The following MDGA2 variants were observed in gnomAD, a reference collection of about 807,000 sequenced individuals.
MDGA2 encodes MAM domain-containing glycosylphosphatidylinositol anchor protein 2.
A neutral mutation model predicts 117.8 loss-of-function variants in MDGA2; 40 were observed. That is an observed-to-expected ratio of 0.34 (90% CI 0.26 to 0.44). MDGA2 has a LOEUF of 0.44. Among genes scored for constraint, MDGA2 ranks in the 20% least tolerant of loss-of-function variants. The probability of loss-of-function intolerance (pLI) is 1.00; values close to 1 mark genes in which losing one functional copy is unlikely to be tolerated. For missense variants in MDGA2, 1,123 were observed against 1,250.6 expected (o/e 0.90, Z 1.54); for synonymous variants, 452 against 439.0 (o/e 1.03, Z -0.37).
chr14:47,043,554 A>T (rs1207416501), intron 7 of MDGA2, among the ~76,000 whole-genome samples: 2 of 152,054 alleles, frequency 1.3e-5, no homozygotes, highest in African/African-American at 4.8e-5. Flanking sequence ...TCTCTTCTTC[A>T]TCTAAAAAAT....
intron 1 of MDGA2, among the ~76,000 whole-genome samples, chr14:47,555,637 T>A (rs1895668498): frequency 6.6e-6 from 1 of 152,006 alleles, no homozygotes; most frequent in African/African-American, 2.4e-5. Flanking sequence ...AGAGACATTT[T>A]CCCAGAAAAA....
chr14:47,496,031 G>A (rs1283390178), intron 1 of MDGA2, among the ~76,000 whole-genome samples: 2 of 151,636 alleles, frequency 1.3e-5, no homozygotes, highest in Admixed American at 1.3e-4. Context: ...TGGGTAAATT[G>A]CCTCTTCACA....
chr14:47,372,483 C>T (rs2138395544), intron 1 of MDGA2, among the ~76,000 whole-genome samples: 1 of 151,884 alleles, frequency 6.6e-6, no homozygotes, highest in Middle Eastern at 3.4e-3. Flanking sequence ...GATATTCCCT[C>T]TCATTTGTAG....
chr14:47,287,717 A>G (rs550740770), intron 2 of MDGA2, among the ~76,000 whole-genome samples: 2 of 152,316 alleles, frequency 1.3e-5, no homozygotes, highest in African/African-American at 4.8e-5. Flanking sequence ...GTGCCCCTAA[A>G]GCATACACTG....
In MDGA2 at chr14:46,855,109, T is replaced by G. The variant is rs1268452069; in HGVS notation, c.2798A>C (p.Glu933Ala). Residue 933 changes from glutamate to alanine, a missense_variant, in exon 15 of 17, where the codon GAG becomes GCG. By Grantham distance (107) the Glu-to-Ala change is moderately radical. Coordinates refer to ENST00000399232, the MANE Select transcript of MDGA2 (RefSeq NM_001113498.3). This position sits in a 1 kb window ranked among gnomAD's most constrained non-coding sequence, Gnocchi z 4.1. ...CCCACTTGAAGACCACAGTGGATTC[T>G]CTATTGTTGTTTGCCCTTTCAAACG... ...YLRLKGQTTIENPLWSSSGNK... is the reference protein window; with the variant it reads ...YLRLKGQTTIANPLWSSSGNK... The G allele has an allele frequency of 6.2e-7, 1 of 1,611,368 alleles. No homozygotes were observed. The highest frequency in any genetic ancestry group is 2.2e-5 in the East Asian group (1 of 44,658).
intron 6 of MDGA2, among the ~76,000 whole-genome samples, chr14:47,062,471 A>G (rs1889921521): frequency 1.3e-5 from 2 of 151,210 alleles, no homozygotes; most frequent in South Asian, 4.2e-4. Flanking sequence ...CTCTTTTGTG[A>G]CAGTGATTCT....
At chr14:47,122,668 T>C (rs957770258) in intron 5 of MDGA2, among the ~76,000 whole-genome samples, 2 of 152,110 alleles carry the variant, frequency 1.3e-5, no homozygotes, top group African/African-American at 4.8e-5. Context: ...CCACAAGTTA[T>C]ATGTGACTAG....
At chr14:47,029,586 A>G (rs1017676195) in intron 8 of MDGA2, among the ~76,000 whole-genome samples, 1 of 152,140 alleles carries the variant, frequency 6.6e-6, no homozygotes, top group African/African-American at 2.4e-5. Context: ...TCAATGCAAT[A>G]TATTCTCCAG....
intron 1 of MDGA2, among the ~76,000 whole-genome samples, chr14:47,368,059 C>A (rs1267815763): frequency 3.3e-5 from 5 of 152,030 alleles, no homozygotes; most frequent in Non-Finnish European, 7.4e-5. Context: ...GAGGGTGGAT[C>A]TCCTGAGGTC....
chr14:47,243,313 G>T (rs1271704718), intron 2 of MDGA2, among the ~76,000 whole-genome samples: 1 of 151,634 alleles, frequency 6.6e-6, no homozygotes, highest in Non-Finnish European at 1.5e-5. Context: ...TGACAAAACA[G>T]CACACTTGGC....
At position 47,097,096 on chromosome 14, in the gene MDGA2, T is replaced by A; in HGVS notation, c.953A>T (p.Asp318Val). ...TASPSIKLLV[D>V]DPIVVNPGEA... ...TCCAGGATTTACAACTATAGGATCA[T>A]CCACCAAGAGTTTAATTGACGGTGA... Residue 318 changes from aspartate (D) to valine (V), a missense_variant, in exon 6 of 17, where the codon GAT becomes GTT. This residue lies in a region of MDGA2 where 890 missense variants were observed against 1,050.3 expected (regional missense o/e 0.85). Coordinates refer to ENST00000399232, the MANE Select transcript of MDGA2 (RefSeq NM_001113498.3). The A allele has an allele frequency of 6.2e-7, 1 of 1,612,906 alleles. No homozygotes were observed. Among genetic ancestry groups the A allele is most frequent in the African/African-American group, 1.3e-5 (1 of 74,946 alleles).
chr14:47,174,337 G>A (rs1317097414), intron 3 of MDGA2, among the ~76,000 whole-genome samples: 1 of 152,140 alleles, frequency 6.6e-6, no homozygotes, highest in Non-Finnish European at 1.5e-5. Flanking sequence ...CAAATCAACA[G>A]AATATACATT....
intron 2 of MDGA2, among the ~76,000 whole-genome samples, chr14:47,256,102 T>TC (rs1887609225): frequency 6.6e-6 from 1 of 151,626 alleles, no homozygotes; most frequent in Admixed American, 6.6e-5. Context: ...AATTTCTTTT[T>TC]TTTTTTTTTT....
chr14:47,172,138 G>C (rs1594691925), intron 3 of MDGA2, among the ~76,000 whole-genome samples: 1 of 152,184 alleles, frequency 6.6e-6, no homozygotes, highest in East Asian at 1.9e-4. Context: ...AAACAAAGCA[G>C]CCAGGAAGCT....
chr14:46,854,330 A>C (rs1566491920), intron 15 of MDGA2, among the ~76,000 whole-genome samples: 1 of 151,596 alleles, frequency 6.6e-6, no homozygotes, highest in East Asian at 1.9e-4. Flanking sequence ...TAAAATATAA[A>C]AATATTTGGA....
intron 2 of MDGA2, among the ~76,000 whole-genome samples, chr14:47,258,764 GATC>G (rs1887702852): frequency 1.3e-5 from 2 of 151,802 alleles, no homozygotes; most frequent in South Asian, 4.2e-4. Flanking sequence ...GTACTTGGAA[GATC>G]ATCACTTGTT....
rs1425972487 is a variant in MDGA2, at chr14:47,079,720, TCTA to T, written c.1195+17131_1195+17133del. On this transcript the variant is annotated intron_variant, in intron 6 of 16. Coordinates refer to ENST00000399232, the MANE Select transcript of MDGA2 (RefSeq NM_001113498.3). ...CTGTGTTATTTGTTTCAGCCGATTT[TCTA>T]CTAATTTTTTTTTTTTTTTTTTTTT... 1.2e-4 allele frequency among the ~76,000 whole-genome samples: 15 copies of T among 129,252 alleles called. No homozygotes were observed. The East Asian group carries it at 3.7e-3, about 32-fold the overall frequency. 84.8% of individuals were successfully genotyped at this position (129,252 alleles called of 152,430 possible). A position where few individuals can be genotyped will look rare whatever the true frequency, so the allele number is the denominator to read the frequency against.
At chr14:47,292,891 A>C (rs529224274) in intron 2 of MDGA2, among the ~76,000 whole-genome samples, 1 of 152,340 alleles carries the variant, frequency 6.6e-6, no homozygotes, top group East Asian at 1.9e-4. Context: ...CCATTGTCAT[A>C]AACCCTTGTT....
chr14:47,434,803 C>T (rs1438527920), intron 1 of MDGA2, among the ~76,000 whole-genome samples: 1 of 151,936 alleles, frequency 6.6e-6, no homozygotes. Context: ...AATCTGAACC[C>T]CACTATTTCA....
Sources: allele counts gnomAD v4.1 joint callset (sites outside exome capture counted in the v4.1 genomes callset), GRCh38; gene constraint gnomAD v4.1.1; regional missense constraint gnomAD v4.1.1; non-coding constraint Gnocchi (gnomAD v3.1); transcripts MANE v1.5; gene names NCBI Gene and HGNC (gene_info 2026-07-23, HGNC 2026-07-21).